The following MAPK10 variants were observed in gnomAD, a reference collection of about 807,000 sequenced individuals.
MAPK10 encodes JNK3 alpha protein kinase.
In MAPK10, 25 loss-of-function variants were observed where a neutral mutation model predicts 59.3. The observed-to-expected ratio is 0.42, with a 90% confidence interval of 0.31 to 0.59. The LOEUF (loss-of-function observed/expected upper bound fraction) is 0.59. Ranked by LOEUF, MAPK10 falls within the 20% of genes least tolerant of loss-of-function variation. The probability of loss-of-function intolerance (pLI) is 0.15; values close to 1 mark genes in which losing one functional copy is unlikely to be tolerated. For missense variants in MAPK10, 351 were observed against 568.9 expected, an observed-to-expected ratio of 0.62 and a Z score of 3.90; for synonymous variants, 190 against 200.5, an observed-to-expected ratio of 0.95 and a Z score of 0.44.
chr4:86,103,206 C>G lies in MAPK10; in HGVS notation c.405G>C (p.Thr135=), dbSNP rs904589484. 1.9e-6 allele frequency: 3 copies of G among 1,607,292 alleles called. No individual in the cohort carries two copies. The South Asian group carries it at 3.3e-5, about 18-fold the overall frequency. The change falls in exon 6 of 14, where the codon ACG becomes ACC. Residue 135 remains threonine, a synonymous_variant. Transcript: ENST00000641462. ...CTTACACATCTTGGAACTCCTCCAG[C>G]GTTTTCTGGGGTGTGAAGACATTTA... ...SLLNVFTPQK[T]LEEFQDVYLV...
chr4:86,165,790 C>T (rs990551378), intron 3 of MAPK10, among the ~76,000 whole-genome samples: 1 of 151,958 alleles, frequency 6.6e-6, no homozygotes, highest in African/African-American at 2.4e-5. Flanking sequence ...CATTTCCTCA[C>T]ACTGTTCCTT....
At chr4:86,065,293 A>G (rs758236082) in intron 10 of MAPK10, 1 of 152,202 alleles carries the variant, frequency 6.6e-6, no homozygotes, top group African/African-American at 2.4e-5. Flanking sequence ...TTTTATTTTA[A>G]CATTCTGTAA....
intron 1 of MAPK10, among the ~76,000 whole-genome samples, chr4:86,511,683 G>C (rs1003890929): frequency 1.3e-5 from 2 of 149,114 alleles, no homozygotes; most frequent in African/African-American, 5.0e-5. Context: ...AGAAGAAGAA[G>C]AACAGGAAGA....
At chr4:86,200,261 A>G (rs925746057) in intron 2 of MAPK10, among the ~76,000 whole-genome samples, 27 of 152,006 alleles carry the variant, frequency 1.8e-4, no homozygotes, top group African/African-American at 4.8e-4. Flanking sequence ...AAAAATGCAT[A>G]TATCCCTGAA....
intron 1 of MAPK10, among the ~76,000 whole-genome samples, chr4:86,430,217 A>T (rs1005558209): frequency 2.0e-5 from 3 of 152,226 alleles, no homozygotes; most frequent in Non-Finnish European, 2.9e-5. Flanking sequence ...ATAATTATTG[A>T]TTGAAAATCC....
At chr4:86,424,510 T>A (rs1747016118) in intron 1 of MAPK10, among the ~76,000 whole-genome samples, 1 of 152,108 alleles carries the variant, frequency 6.6e-6, no homozygotes, top group South Asian at 2.1e-4. Context: ...AAGTCTTATG[T>A]CCCTGTTTCC....
At chr4:86,431,305 T>TA (rs1748015588) in intron 1 of MAPK10, among the ~76,000 whole-genome samples, 1 of 152,144 alleles carries the variant, frequency 6.6e-6, no homozygotes, top group South Asian at 2.1e-4. Context: ...AAAAAGGATA[T>TA]ATAAACGTTA....
intron 9 of MAPK10, among the ~76,000 whole-genome samples, chr4:86,087,614 TCAAA>T (rs5860017): frequency 0.44 from 66,243 of 151,582 alleles, 15,068 homozygotes; most frequent in African/African-American, 0.55. Context: ...AAAATGTGTG[TCAAA>T]CAGAAGATTA....
chr4:86,335,944 T>C (rs1721048197), intron 2 of MAPK10, among the ~76,000 whole-genome samples: 1 of 152,152 alleles, frequency 6.6e-6, no homozygotes, highest in East Asian at 1.9e-4. Flanking sequence ...ACGTGGAGAT[T>C]ACAATTGAGA....
chr4:86,514,958 T>TA (rs1411460984), intron 1 of MAPK10, among the ~76,000 whole-genome samples: 1 of 152,192 alleles, frequency 6.6e-6, no homozygotes, highest in Non-Finnish European at 1.5e-5. Context: ...CTGAGCAGTG[T>TA]ACACTGTGCC....
chr4:86,136,115 GAT>G, intron 4 of MAPK10, among the ~76,000 whole-genome samples: 1 of 152,268 alleles, frequency 6.6e-6, no homozygotes, highest in Admixed American at 6.5e-5. Flanking sequence ...CACTCTGCAG[GAT>G]ATTATCCAGG....
intron 2 of MAPK10, among the ~76,000 whole-genome samples, chr4:86,262,233 C>T (rs985327214): frequency 2.7e-4 from 41 of 152,150 alleles, no homozygotes; most frequent in Non-Finnish European, 1.5e-5. Context: ...CTCCCCCTCC[C>T]CTCTCTCATG....
chr4:86,357,282 CA>C (rs1490189430), intron 1 of MAPK10, among the ~76,000 whole-genome samples: 3 of 152,152 alleles, frequency 2.0e-5, no homozygotes, highest in Non-Finnish European at 2.9e-5. Flanking sequence ...CCATATTTAA[CA>C]AACAAGTAAA....
In MAPK10 at chr4:86,012,046, T is replaced by C. The variant is rs1169992454; in HGVS notation, c.*5182A>G. 2 of 152,186 alleles carry C rather than the reference T, an allele frequency of 1.3e-5. No homozygotes were observed. The highest frequency in any genetic ancestry group is 2.4e-5 in the African/African-American group (1 of 41,448). The allele number at this position is 152,186 out of a possible 1,614,324, so 9.4% of individuals were successfully genotyped here. A position where few individuals can be genotyped will look rare whatever the true frequency, so the allele number is the denominator to read the frequency against. ...TCTCTTGGAAAATAGTTAAAATGAA[T>C]AGAAATCTGATAATTAATCTGGGAA... is the stretch of plus-strand genomic sequence containing the variant. On this transcript the variant is annotated 3_prime_UTR_variant, in exon 14 of 14. Transcript: ENST00000641462.
chr4:86,443,211 C>G (rs1209658145), intron 1 of MAPK10, among the ~76,000 whole-genome samples: 2 of 151,894 alleles, frequency 1.3e-5, no homozygotes, highest in Non-Finnish European at 2.9e-5. Flanking sequence ...TCCAGGAGCT[C>G]TATCAGCTTC....
At chr4:86,448,198 C>T (rs567535184) in intron 1 of MAPK10, among the ~76,000 whole-genome samples, 1 of 152,250 alleles carries the variant, frequency 6.6e-6, no homozygotes, top group East Asian at 1.9e-4. Context: ...TATTTCACAG[C>T]TTTCTTTCCT....
intron 2 of MAPK10, among the ~76,000 whole-genome samples, chr4:86,249,493 T>C (rs1320985829): frequency 6.6e-6 from 1 of 152,178 alleles, no homozygotes; most frequent in Non-Finnish European, 1.5e-5. Flanking sequence ...GACTTCCACT[T>C]GGGTAGAACT....
intron 3 of MAPK10, among the ~76,000 whole-genome samples, chr4:86,167,103 A>G (rs544570867): frequency 1.3e-5 from 2 of 152,370 alleles, no homozygotes; most frequent in Admixed American, 1.3e-4. Flanking sequence ...ACCTCTAGAC[A>G]AATATACTAG....
chr4:86,425,075 G>A (rs527575558), intron 1 of MAPK10, among the ~76,000 whole-genome samples: 1 of 152,228 alleles, frequency 6.6e-6, no homozygotes, highest in South Asian at 2.1e-4. Flanking sequence ...AGGAGATAGA[G>A]GAGTGACAGA....
Sources: allele counts gnomAD v4.1 joint callset (sites outside exome capture counted in the v4.1 genomes callset), GRCh38; gene constraint gnomAD v4.1.1; transcripts MANE v1.5; gene names NCBI Gene and HGNC (gene_info 2026-07-23, HGNC 2026-07-21).